The following BAZ1B variants were observed in gnomAD, a reference collection of about 807,000 sequenced individuals.
BAZ1B encodes the protein bromodomain adjacent to zinc finger domain 1B.
In BAZ1B, 22 loss-of-function variants were observed where a neutral mutation model predicts 153.8. The observed-to-expected ratio is 0.14, with a 90% CI of 0.10 to 0.20. BAZ1B has a LOEUF of 0.20. Ranked by LOEUF, BAZ1B falls within the 10% of genes least tolerant of loss-of-function variation. BAZ1B has a pLI of 1.00. For missense variants in BAZ1B, 1,325 were observed against 1,799.3 expected, an observed-to-expected ratio of 0.74 and a Z score of 4.77; for synonymous variants, 676 against 633.4, an observed-to-expected ratio of 1.07 and a Z score of -1.01.
rs375342299 is a variant in BAZ1B, at chr7:73,476,915, G to A, written c.2546C>T (p.Ala849Val). The change falls in exon 7 of 20, where the codon GCC becomes GTC. Residue 849 changes from alanine to valine, a missense_variant. Ala to Val is a moderately conservative substitution (Grantham distance 64). Transcript: ENST00000339594. ...TTCCCGTTCCTTCTTAGCTTGAATGGCAAGCAACCTTCTGCTCTTCACAGC... is the reference window on the plus strand; with the variant it reads ...TTCCCGTTCCTTCTTAGCTTGAATGACAAGCAACCTTCTGCTCTTCACAGC... ...ISAVKSRRLL[A>V]IQAKKEREIQ... The A allele has an allele frequency of 1.2e-6, 2 of 1,609,136 alleles. No homozygotes were observed. Among genetic ancestry groups the A allele is most frequent in the Non-Finnish European group, 1.7e-6 (2 of 1,178,752 alleles).
intron 6 of BAZ1B, among the ~76,000 whole-genome samples, 195 bp from the exon 7 acceptor site, chr7:73,478,764 TC>T (rs1330808528): frequency 1.2e-4 from 19 of 152,172 alleles, no homozygotes; most frequent in Non-Finnish European, 2.5e-4. Context: ...AACACAAAAT[TC>T]CCTTGACATC....
Position 73,469,596 on chromosome 7 carries a change from T to C in BAZ1B, c.2787A>G (p.Val929=), listed in dbSNP as rs1484045809. 2 of 1,614,072 alleles carry C rather than the reference T, an allele frequency of 1.2e-6. No individual in the cohort carries two copies. Among genetic ancestry groups the C allele is most frequent in the African/African-American group, 1.3e-5 (1 of 74,938 alleles). The part of the protein sequence containing the change: ...VPGLFIEKGW[V]HDSIDYRFNH... ...TGAATCGGTAGTCAATGCTGTCATGTACCCAGCCTTTTTCAATGAATAATC... is the reference window on the plus strand; with the variant it reads ...TGAATCGGTAGTCAATGCTGTCATGCACCCAGCCTTTTTCAATGAATAATC... The change falls in exon 9 of 20, where the codon GTA becomes GTG. Residue 929 remains valine, a synonymous_variant. Coordinates refer to ENST00000339594, the MANE Select transcript of BAZ1B (RefSeq NM_032408.4).
chr7:73,449,794 T>C, intron 14 of BAZ1B, 105 bp from the exon 15 acceptor site: 1 of 1,261,748 alleles, frequency 7.9e-7, no homozygotes, highest in South Asian at 1.6e-5. Flanking sequence ...CGAGGAGACA[T>C]GTTCCATAGA....
chr7:73,506,837 G>A (rs1270269689), intron 3 of BAZ1B, among the ~76,000 whole-genome samples: 1 of 142,152 alleles, frequency 7.0e-6, no homozygotes, highest in Non-Finnish European at 1.5e-5. Context: ...GGCGACAAGA[G>A]CGAGACTCCA....
intron 4 of BAZ1B, 43 bp from the exon 5 acceptor site, chr7:73,492,964 A>C (rs1188972461): frequency 6.4e-7 from 1 of 1,556,054 alleles, no homozygotes; most frequent in Non-Finnish European, 8.7e-7. Context: ...TAATTATTTT[A>C]ATCCTTTTCA....
intron 1 of BAZ1B, among the ~76,000 whole-genome samples, chr7:73,518,176 C>T (rs1790887362): frequency 1.3e-5 from 2 of 150,652 alleles, no homozygotes; most frequent in Middle Eastern, 3.2e-3. Context: ...CCGAGGCGGG[C>T]GGATCATAAG....
At position 73,521,908 on chromosome 7, in the gene BAZ1B, G is replaced by A; in HGVS notation, c.26C>T (p.Pro9Leu). 2 of 1,489,968 alleles carry A rather than the reference G, an allele frequency of 1.3e-6. No homozygotes were observed. The highest frequency in any genetic ancestry group is 1.8e-6 in the Non-Finnish European group (2 of 1,114,954). 92.3% of individuals were successfully genotyped at this position (1,489,968 alleles called of 1,614,324 possible). Residue 9 changes from proline (P) to leucine (L), a missense_variant, in exon 1 of 20, where the codon CCC (proline) becomes CTC (leucine). Transcript: ENST00000339594. ...GGGCAACGGCTTCACCAGCGGGAAG[G>A]GCTTGCGGCCCAGGAGCGGCGCCAT... Reference protein sequence around the residue: MAPLLGRKPFPLVKPLPGE... With the variant: MAPLLGRKLFPLVKPLPGE...
At chr7:73,507,842 T>C (rs1790406218) in intron 3 of BAZ1B, among the ~76,000 whole-genome samples, 1 of 151,990 alleles carries the variant, frequency 6.6e-6, no homozygotes, top group African/African-American at 2.4e-5. Context: ...CACTCTAGAC[T>C]CTGTGACAGA....
At chr7:73,454,022 G>A (rs1480175258) in intron 13 of BAZ1B, among the ~76,000 whole-genome samples, 2 of 151,956 alleles carry the variant, frequency 1.3e-5, no homozygotes, top group Admixed American at 6.6e-5. Context: ...GCATAGGCTG[G>A]GCATGGTGGC....
chr7:73,508,218 A>G (rs1413773546), intron 3 of BAZ1B, 109 bp downstream of exon 3: 1 of 1,183,006 alleles, frequency 8.5e-7, no homozygotes, highest in African/African-American at 1.6e-5. Context: ...AACATTAAAT[A>G]TAATACTAAA....
chr7:73,485,451 T>G (rs1488979842), intron 6 of BAZ1B, among the ~76,000 whole-genome samples: 1 of 151,876 alleles, frequency 6.6e-6, no homozygotes, highest in Non-Finnish European at 1.5e-5. Flanking sequence ...AGACTCCATC[T>G]TTACAAAAAA....
chr7:73,510,366 T>C (rs982577924), intron 2 of BAZ1B, among the ~76,000 whole-genome samples: 2 of 151,906 alleles, frequency 1.3e-5, no homozygotes, highest in Non-Finnish European at 2.9e-5. Context: ...GAGGCGGAGC[T>C]TGCAGTGAGC....
Position 73,521,954 on chromosome 7 carries a change from C to G in BAZ1B, c.-21G>C, listed in dbSNP as rs782672175. The G allele has an allele frequency of 1.4e-6, 2 of 1,417,976 alleles. No homozygotes were observed. Among genetic ancestry groups the G allele is most frequent in the East Asian group, 3.4e-5 (1 of 29,572 alleles). 87.8% of individuals were successfully genotyped at this position (1,417,976 alleles called of 1,614,324 possible). ...GCCATCGCGGCGGCGGCGGTGGGGA[C>G]TGGCGGCTGCTGGGGCCGGCCCCGC... is the stretch of plus-strand genomic sequence containing the variant. On this transcript the variant is annotated 5_prime_UTR_variant, in exon 1 of 20. Coordinates refer to ENST00000339594, the MANE Select transcript of BAZ1B (RefSeq NM_032408.4).
rs782134330 is a variant in BAZ1B at position 73,470,494 on chromosome 7, T to G, written c.2594-11A>C. 1 of 1,609,490 alleles carries G rather than the reference T, an allele frequency of 6.2e-7. No homozygotes were observed. Among genetic ancestry groups the G allele is most frequent in the South Asian group, 1.1e-5 (1 of 90,648 alleles). ...GGCGTTCCAGTTTCACTGTTAAAAATAAAAAGACTCAAATCAGATATTTTC... is the reference window on the plus strand; with the variant it reads ...GGCGTTCCAGTTTCACTGTTAAAAAGAAAAAGACTCAAATCAGATATTTTC... On this transcript the variant is annotated splice_polypyrimidine_tract_variant and intron_variant, in intron 7 of 19. Coordinates refer to ENST00000339594, the MANE Select transcript of BAZ1B (RefSeq NM_032408.4).
intron 7 of BAZ1B, among the ~76,000 whole-genome samples, chr7:73,472,396 T>C (rs984565470): frequency 6.6e-6 from 1 of 152,068 alleles, no homozygotes; most frequent in African/African-American, 2.4e-5. Flanking sequence ...GTAGCTGGGA[T>C]TACAGGCATG....
At chr7:73,466,134 A>G (rs73134931) in intron 10 of BAZ1B, among the ~76,000 whole-genome samples, 162 bp downstream of exon 10, 6,438 of 152,320 alleles carry the variant, frequency 0.042, 180 homozygotes, top group Non-Finnish European at 0.065. Flanking sequence ...TTAACAAAAA[A>G]TCAGGTCTGC....
chr7:73,449,797 T>G, intron 14 of BAZ1B, 108 bp from the exon 15 acceptor site: 2 of 1,216,594 alleles, frequency 1.6e-6, no homozygotes, highest in Non-Finnish European at 2.2e-6. Context: ...GGAGACATGT[T>G]CCATAGAATG....
In BAZ1B at chr7:73,469,792, C is replaced by G. The variant is rs191353838; in HGVS notation, c.2733-142G>C. The G allele has an allele frequency of 5.8e-5, 55 of 947,116 alleles. No homozygotes were observed. The African/African-American group carries it at 7.8e-4, about 13-fold the overall frequency. The allele number at this position is 947,116 out of a possible 1,614,324, so 58.7% of individuals were successfully genotyped here. Reference sequence around the variant, plus strand: ...AATTCTTCCTCTTCAGAACTCTAGACAGATAAAAATTGCAAGGTAAATCAA... The same window carrying G: ...AATTCTTCCTCTTCAGAACTCTAGAGAGATAAAAATTGCAAGGTAAATCAA... On this transcript the variant is annotated intron_variant, in intron 8 of 19. Coordinates refer to ENST00000339594, the MANE Select transcript of BAZ1B (RefSeq NM_032408.4).
chr7:73,447,633 G>A (rs1379968673), intron 15 of BAZ1B, among the ~76,000 whole-genome samples: 2 of 152,182 alleles, frequency 1.3e-5, no homozygotes, highest in African/African-American at 4.8e-5. Flanking sequence ...AAAGGCAACA[G>A]AAATTAAGAC....
Sources: allele counts gnomAD v4.1 joint callset (sites outside exome capture counted in the v4.1 genomes callset), GRCh38; gene constraint gnomAD v4.1.1; transcripts MANE v1.5; gene names NCBI Gene and HGNC (gene_info 2026-07-23, HGNC 2026-07-21).